Variants in TCF4 observed in about 807,000 individuals in gnomAD.
TCF4 encodes the protein SL3-3 enhancer factor 2.
TCF4 carries 3 observed loss-of-function variants against 82.1 expected under a neutral mutation model. The observed-to-expected ratio is 0.04, with a 90% confidence interval of 0.02 to 0.09. TCF4 has a LOEUF of 0.09. Ranked by LOEUF, TCF4 falls within the 10% of genes least tolerant of loss-of-function variation. The pLI is 1.00. For synonymous variants in TCF4, 276 were observed against 309.6 expected (o/e 0.89, Z 1.14); for missense variants, 518 against 852.7 (o/e 0.61, Z 4.89).
At chr18:55,457,342 CATTGTGTGTATGGGTGTACATG>C in intron 5 of TCF4, among the ~76,000 whole-genome samples, 1 of 152,192 alleles carries the variant, frequency 6.6e-6, no homozygotes, top group Non-Finnish European at 1.5e-5. Flanking sequence ...ATGATACATA[CATTGTGTGTATGGGTGTACATG>C]TGTGTGCATG....
chr18:55,584,439 T>C (rs886163642), intron 3 of TCF4, among the ~76,000 whole-genome samples: 1 of 152,126 alleles, frequency 6.6e-6, no homozygotes, highest in African/African-American at 2.4e-5. Context: ...CAGGCAACAA[T>C]GTATAACTTT....
intron 8 of TCF4, among the ~76,000 whole-genome samples, chr18:55,301,878 GA>G (rs1403196247): frequency 1.3e-5 from 2 of 149,256 alleles, no homozygotes; most frequent in Non-Finnish European, 3.0e-5. Flanking sequence ...ACTCTTGGAA[GA>G]TGAGCTGATT....
intron 8 of TCF4, among the ~76,000 whole-genome samples, chr18:55,328,822 C>T (rs2077022338): frequency 2.0e-5 from 3 of 152,002 alleles, no homozygotes; most frequent in South Asian, 2.1e-4. Context: ...ATGCATTGCT[C>T]GATAATCAGA....
At chr18:55,492,109 TTA>T (rs2096583147) in intron 3 of TCF4, 1 of 152,136 alleles carries the variant, frequency 6.6e-6, no homozygotes, top group Non-Finnish European at 1.5e-5. Context: ...CGGTTCCCCT[TTA>T]TGTCAATCTC....
At chr18:55,235,078 T>A (rs2048986576) in intron 15 of TCF4, among the ~76,000 whole-genome samples, 1 of 152,312 alleles carries the variant, frequency 6.6e-6, no homozygotes, top group Non-Finnish European at 1.5e-5. Flanking sequence ...TCGGAAATCC[T>A]ACAGGAATTT....
At chr18:55,578,742 T>C (rs2097550649) in intron 3 of TCF4, among the ~76,000 whole-genome samples, 1 of 151,960 alleles carries the variant, frequency 6.6e-6, no homozygotes, top group African/African-American at 2.4e-5. Flanking sequence ...GCCGCACATG[T>C]GAAGGGGTGT....
At chr18:55,587,922 G>A (rs1451660593) in intron 1 of TCF4, 116 bp downstream of exon 1, 5 of 872,292 alleles carry the variant, frequency 5.7e-6, no homozygotes, top group Admixed American at 6.4e-5. Flanking sequence ...TGGGAGCGCC[G>A]GGCGCCGGGA....
chr18:55,347,729 G>A (rs1393594890), intron 8 of TCF4, among the ~76,000 whole-genome samples: 3 of 152,162 alleles, frequency 2.0e-5, no homozygotes, highest in Non-Finnish European at 4.4e-5. Context: ...CAGTGTCACC[G>A]TTTAAGTTTT....
At chr18:55,326,127 G>A (rs1338859186) in intron 8 of TCF4, among the ~76,000 whole-genome samples, 1 of 152,120 alleles carries the variant, frequency 6.6e-6, no homozygotes, top group Non-Finnish European at 1.5e-5. Flanking sequence ...TGGAATCAGG[G>A]TGTGAGCAAA....
chr18:55,585,896 C>A, intron 2 of TCF4: 1 of 1,225,108 alleles, frequency 8.2e-7, no homozygotes, highest in Non-Finnish European at 1.0e-6. Context: ...CTCTCTTTCA[C>A]TCCCTCTCTC....
chr18:55,619,685 A>G (rs1010041337), intron 2 of TCF4, among the ~76,000 whole-genome samples: 2 of 152,172 alleles, frequency 1.3e-5, no homozygotes, highest in African/African-American at 4.8e-5. Context: ...CTTCTGAATC[A>G]GTTTCAATTA....
rs1484785386 is a variant in TCF4, at chr18:55,510,717, G to C, written c.146-46580C>G. 6 of 1,414,804 alleles carry C rather than the reference G, an allele frequency of 4.2e-6. No homozygotes were observed. In the African/African-American group the frequency reaches 7.2e-5, roughly 17 times the overall value. 87.6% of individuals were successfully genotyped at this position (1,414,804 alleles called of 1,614,324 possible). The stretch of plus-strand genomic sequence containing the variant: ...CCACTTTAAAAGGCCTTTCTTTTAA[G>C]GGGCCTTCCTTGTTACTCTCCTGTG... On this transcript the variant is annotated intron_variant, in intron 3 of 19. Transcript: ENST00000354452.
chr18:55,493,403 A>T (rs1298445840), intron 3 of TCF4, among the ~76,000 whole-genome samples: 1 of 152,204 alleles, frequency 6.6e-6, no homozygotes, highest in Non-Finnish European at 1.5e-5. Context: ...TTTAATGCAG[A>T]ATGGACTGAA....
chr18:55,462,546 T>C (rs2095888982), intron 4 of TCF4, among the ~76,000 whole-genome samples: 1 of 152,214 alleles, frequency 6.6e-6, no homozygotes, highest in Admixed American at 6.5e-5. Context: ...CACCAATATA[T>C]TCCTTGAGAA....
At chr18:55,335,624 T>G (rs2078465681) in intron 8 of TCF4, among the ~76,000 whole-genome samples, 1 of 152,164 alleles carries the variant, frequency 6.6e-6, no homozygotes. Context: ...TGAAAATCTA[T>G]TCTTGGTCAT....
intron 6 of TCF4, among the ~76,000 whole-genome samples, chr18:55,398,147 C>A (rs1254753941): frequency 3.3e-5 from 5 of 152,110 alleles, no homozygotes; most frequent in Admixed American, 3.3e-4. Context: ...TATTTCTTAA[C>A]CAATGCAATG....
chr18:55,609,948 C>T (rs1489583189), intron 2 of TCF4, among the ~76,000 whole-genome samples: 2 of 152,064 alleles, frequency 1.3e-5, no homozygotes, highest in African/African-American at 4.8e-5. Context: ...CACTTTTCAC[C>T]ATCTGTAGTA....
intron 2 of TCF4, among the ~76,000 whole-genome samples, chr18:55,623,771 G>A (rs1243100419): frequency 1.3e-5 from 2 of 152,124 alleles, no homozygotes; most frequent in Non-Finnish European, 2.9e-5. Context: ...GTGAATTGGA[G>A]TTTTGCAGCT....
Position 55,228,318 on chromosome 18 carries a change from C to T in TCF4, c.1923G>A (p.Glu641=), listed in dbSNP as rs76956936. 751 of 1,614,164 alleles carry T rather than the reference C, an allele frequency of 4.7e-4. 2 individuals carry two copies. The Middle Eastern group carries it at 7.6e-3, about 16-fold the overall frequency. The part of the protein sequence containing the change: ...NPKAACLKRR[E]EEKVSSEPPP... Reference sequence around the variant, plus strand: ...GAGGCTCTGAGGACACCTTCTCTTCCTCCCTTCTTTTCAGACACGCAGCTT... The same window carrying T: ...GAGGCTCTGAGGACACCTTCTCTTCTTCCCTTCTTTTCAGACACGCAGCTT... Residue 641 remains glutamate (E), a synonymous_variant, in exon 19 of 20, where the codon GAG becomes GAA. Transcript: ENST00000354452.
Sources: allele counts gnomAD v4.1 joint callset (sites outside exome capture counted in the v4.1 genomes callset), GRCh38; gene constraint gnomAD v4.1.1; transcripts MANE v1.5; gene names NCBI Gene and HGNC (gene_info 2026-07-23, HGNC 2026-07-21).